KCNC4: variants seen among roughly 807,000 people sequenced by gnomAD.
The protein encoded by KCNC4 is potassium voltage-gated channel subfamily C member 4.
Under a neutral mutation model 42.8 loss-of-function variants are expected in KCNC4, and 23 were observed. The ratio of observed to expected loss-of-function variants is 0.54; its 90% CI spans 0.39 to 0.76. KCNC4 has a LOEUF of 0.76. KCNC4 is among the 30% of genes least tolerant of loss of function. The probability of loss-of-function intolerance (pLI) is 0.00; values close to 1 mark genes in which losing one functional copy is unlikely to be tolerated. For missense variants in KCNC4, 751 were observed against 898.2 expected (o/e 0.84, Z 2.10); for synonymous variants, 422 against 393.5 (o/e 1.07, Z -0.86).
Position 110,281,555 on chromosome 1 carries a change from A to AACACACACACAC in KCNC4, n.31-955_31-944dup, listed in dbSNP as rs55839432. ...TTATCTGACTCCCCACATATGTAAAAACACACACACACACACACACACACA... is the reference window on the plus strand; with the variant it reads ...TTATCTGACTCCCCACATATGTAAAAACACACACACACACACACACACACACACACACACACA... On this transcript the variant is annotated intron_variant and non_coding_transcript_variant, in intron 1 of 2. Transcript: ENST00000412512. 4.3e-3 allele frequency among the ~76,000 whole-genome samples: 606 copies of AACACACACACAC among 140,426 alleles called. 5 individuals are homozygous for AACACACACACAC. Among genetic ancestry groups the AACACACACACAC allele is most frequent in the Middle Eastern group, 7.5e-3 (2 of 266 alleles). 92.1% of individuals were successfully genotyped at this position (140,426 alleles called of 152,430 possible).
chr1:110,270,331 C>T (rs865833989), intron 1 of KCNC4, among the ~76,000 whole-genome samples: 1 of 152,310 alleles, frequency 6.6e-6, no homozygotes, highest in Middle Eastern at 3.4e-3. Flanking sequence ...TTATGGTCAG[C>T]AGATCCCTCA....
Position 110,211,476 on chromosome 1 carries a change from AGCCGGAGC to A in KCNC4, c.-23_-16del, listed in dbSNP as rs1218548079. ...TGTTTGGAGGGCAGCGGCCGCCCCA[AGCCGGAGC>A]CCCGCAGCGCTTCTTATGATCAGCT... On this transcript the variant is annotated 5_prime_UTR_variant, in exon 1 of 4. Transcript: ENST00000438661. This position sits in a 1 kb window ranked among gnomAD's most constrained non-coding sequence, Gnocchi z 6.5. 1.9e-6 allele frequency: 3 copies of A among 1,596,004 alleles called. No homozygotes were observed. The highest frequency in any genetic ancestry group is 2.6e-6 in the Non-Finnish European group (3 of 1,168,168).
chr1:110,253,627 CCTGAGT>C (rs1485934444), downstream of KCNC4, among the ~76,000 whole-genome samples: 2 of 152,184 alleles, frequency 1.3e-5, no homozygotes, highest in African/African-American at 2.4e-5. Context: ...ATTTTCTGAT[CCTGAGT>C]CTAGGGCTCT....
intron 1 of KCNC4, 42 bp downstream of exon 1, chr1:110,212,219 A>G (rs749886624): frequency 4.2e-6 from 6 of 1,417,282 alleles, no homozygotes; most frequent in East Asian, 5.5e-5. Flanking sequence ...TGGGTCTGCA[A>G]GGGGTCCGTG....
intron 1 of KCNC4, among the ~76,000 whole-genome samples, chr1:110,268,553 T>C (rs111529278): frequency 0.01 from 1,374 of 132,496 alleles, 16 homozygotes; most frequent in African/African-American, 0.038. Flanking sequence ...TTGCAGTGAG[T>C]CGAGATCGCG....
intron 3 of KCNC4, among the ~76,000 whole-genome samples, chr1:110,227,747 G>C (rs1658477423): frequency 6.6e-6 from 1 of 152,212 alleles, no homozygotes; most frequent in East Asian, 1.9e-4. Context: ...ACGCATCCCT[G>C]CTTTCCTCCC....
At chr1:110,274,367 A>G (rs1200445074) in intron 1 of KCNC4, among the ~76,000 whole-genome samples, 1 of 152,236 alleles carries the variant, frequency 6.6e-6, no homozygotes, top group Non-Finnish European at 1.5e-5. Context: ...TGTAGATGAT[A>G]TAAACAAATA....
At chr1:110,281,651 G>A (rs534551532) in intron 1 of KCNC4, among the ~76,000 whole-genome samples, 1 of 151,814 alleles carries the variant, frequency 6.6e-6, no homozygotes, top group South Asian at 2.1e-4. Flanking sequence ...TGTGGCTCAT[G>A]GTGAGCCAGT....
chr1:110,236,875 T>C (rs545802875), downstream of KCNC4: 15 of 152,136 alleles, frequency 9.9e-5, no homozygotes, highest in Non-Finnish European at 1.9e-4. Flanking sequence ...CCGGAAATAA[T>C]AGGTGGAAAT....
chr1:110,216,783 C>A (rs1657817123), intron 1 of KCNC4, among the ~76,000 whole-genome samples: 2 of 152,180 alleles, frequency 1.3e-5, no homozygotes, highest in Non-Finnish European at 2.9e-5. Context: ...TGGCCCTGCT[C>A]CCTGCTGGAA....
At chr1:110,255,570 C>T (rs377633419) in intron 1 of KCNC4, among the ~76,000 whole-genome samples, 1 of 152,120 alleles carries the variant, frequency 6.6e-6, no homozygotes, top group East Asian at 1.9e-4. Flanking sequence ...CTACAGACAC[C>T]CAGGCAAATC....
intron 1 of KCNC4, among the ~76,000 whole-genome samples, chr1:110,268,707 CAT>C (rs1482344970): frequency 6.7e-6 from 1 of 148,226 alleles, no homozygotes; most frequent in Non-Finnish European, 1.5e-5. Flanking sequence ...CCGTTCTGCT[CAT>C]GTGGCTGGCC....
chr1:110,262,224 C>T (rs879623570), intron 1 of KCNC4, among the ~76,000 whole-genome samples: 2 of 152,180 alleles, frequency 1.3e-5, no homozygotes, highest in African/African-American at 4.8e-5. Flanking sequence ...CTTAAAAGAA[C>T]AGACTCTGGG....
At position 110,223,443 on chromosome 1, in the gene KCNC4, C is replaced by T. The variant is rs763160905; in HGVS notation, c.1158C>T (p.Ile386=). The T allele has an allele frequency of 5.0e-6, 8 of 1,613,888 alleles. No individual in the cohort carries two copies. The South Asian group carries it at 7.7e-5, about 16-fold the overall frequency. The change falls in exon 2 of 4, where the codon ATC becomes ATT. Residue 386 remains isoleucine, a synonymous_variant. Coordinates refer to ENST00000438661, the MANE Select transcript of KCNC4 (RefSeq NM_001039574.3). The surrounding 1 kb of genome is among the most constrained non-coding windows in gnomAD (Gnocchi z 7.5). The part of the protein sequence containing the change: ...ASTNEFLLLI[I]FLALGVLIFA... Reference sequence around the variant, plus strand: ...CCAATGAGTTCCTGCTGCTTATCATCTTCCTGGCCCTGGGTGTGCTCATCT... The same window carrying T: ...CCAATGAGTTCCTGCTGCTTATCATTTTCCTGGCCCTGGGTGTGCTCATCT...
chr1:110,224,084 T>A (rs1360626676), intron 2 of KCNC4, 184 bp downstream of exon 2: 17 of 594,306 alleles, frequency 2.9e-5, no homozygotes, highest in Non-Finnish European at 1.5e-5. Flanking sequence ...GGGTCTCCGA[T>A]AGCTTCCCGA....
chr1:110,229,210 CG>C (rs1658568860), intron 3 of KCNC4: 1 of 152,270 alleles, frequency 6.6e-6, no homozygotes, highest in African/African-American at 2.4e-5. Context: ...GCTGTTATGT[CG>C]GGCATCTCTG....
downstream of KCNC4, among the ~76,000 whole-genome samples, chr1:110,251,314 G>A (rs1340745516): frequency 6.6e-6 from 1 of 152,212 alleles, no homozygotes; most frequent in Non-Finnish European, 1.5e-5. Context: ...CTGGTGGGAA[G>A]TAATTGAATC....
At chr1:110,256,293 G>A (rs1042457143) in intron 1 of KCNC4, among the ~76,000 whole-genome samples, 1 of 152,202 alleles carries the variant, frequency 6.6e-6, no homozygotes, top group Admixed American at 6.5e-5. Flanking sequence ...GCTATTAAGG[G>A]TGGAACCAGA....
At chr1:110,242,052 A>G (rs1659043366) in exon 4 of KCNC4, 1 of 152,130 alleles carries the variant, frequency 6.6e-6, no homozygotes, top group Non-Finnish European at 1.5e-5. Flanking sequence ...TGTCCAGAAT[A>G]ATTATCCGGG....
Sources: gnomAD v4.1 joint callset for allele counts (sites outside exome capture counted in the v4.1 genomes callset) on GRCh38, gnomAD v4.1.1 for gene constraint, Gnocchi (gnomAD v3.1) non-coding constraint, MANE v1.5 for transcripts, NCBI Gene and HGNC (gene_info 2026-07-23, HGNC 2026-07-21) for gene names.